Variants in CABP4 observed in about 807,000 individuals in gnomAD.
CABP4 encodes the protein calcium binding protein 4.
CABP4 carries 30 observed loss-of-function variants against 30.7 expected under a neutral mutation model. The observed-to-expected ratio is 0.98, with a 90% CI of 0.73 to 1.33. The LOEUF (loss-of-function observed/expected upper bound fraction) is 1.33. Among genes scored for constraint, CABP4 ranks in the 40% most tolerant of loss-of-function variants. The pLI, the probability that CABP4 is intolerant of heterozygous loss-of-function variation, is 0.00. For missense variants in CABP4, 424 were observed against 395.5 expected, an observed-to-expected ratio of 1.07 and a Z score of -0.61; for synonymous variants, 161 against 159.2, an observed-to-expected ratio of 1.01 and a Z score of -0.08.
rs949856463 is a variant in CABP4, at chr11:67,460,390, A to C, written c.*1731A>C. On this transcript the variant is annotated 3_prime_UTR_variant, in exon 6 of 6. Transcript: ENST00000325656. Reference sequence around the variant, plus strand: ...GGTGGGAGGATCACTTGAGCCCAGGAGGCAGAGGTTGCAGTGAGTCGAGAT... The same window carrying C: ...GGTGGGAGGATCACTTGAGCCCAGGCGGCAGAGGTTGCAGTGAGTCGAGAT... 1 of 152,186 alleles carries C rather than the reference A, an allele frequency of 6.6e-6. No individual in the cohort carries two copies. The highest frequency in any genetic ancestry group is 1.5e-5 in the Non-Finnish European group (1 of 68,058). 9.4% of individuals were successfully genotyped at this position (152,186 alleles called of 1,614,324 possible). A position where few individuals can be genotyped will look rare whatever the true frequency, so the allele number is the denominator to read the frequency against.
At position 67,458,653 on chromosome 11, in the gene CABP4, C is replaced by T. The variant is rs1180725840; in HGVS notation, c.822C>T (p.Arg274=). 2.5e-6 allele frequency: 4 copies of T among 1,614,050 alleles called. No homozygotes were observed. The highest frequency in any genetic ancestry group is 3.4e-6 in the Non-Finnish European group (4 of 1,180,014). The change falls in exon 6 of 6, where the codon CGC becomes CGT. Residue 274 remains arginine (R), a synonymous_variant. Coordinates refer to ENST00000325656, the MANE Select transcript of CABP4 (RefSeq NM_145200.5). ...DFDEFVMMLS[R]H is the part of the protein sequence containing the mutation. ...CAGAGTTTGTGATGATGCTCTCCCG[C>T]CACTGAGGCTCCAGGAGGGAATATC...
At position 67,461,153 on chromosome 11, in the gene CABP4, G is replaced by A. The variant is rs1565166007; in HGVS notation, c.*2494G>A. Among the ~76,000 whole-genome samples the A allele has an allele frequency of 6.6e-6, 1 of 152,124 alleles. No homozygotes were observed. The highest frequency in any genetic ancestry group is 1.5e-5 in the Non-Finnish European group (1 of 68,036). ...AAAAAAATAATAAAAAAATAAGCTG[G>A]GTGTAGTGGCTCATGCTTGTAGTTC... On this transcript the variant is annotated 3_prime_UTR_variant, in exon 6 of 6. Coordinates refer to ENST00000325656, the MANE Select transcript of CABP4 (RefSeq NM_145200.5).
chr11:67,458,930 C>T lies in CABP4; in HGVS notation c.*271C>T. 7.2e-6 allele frequency: 4 copies of T among 554,562 alleles called. No homozygotes were observed. The highest frequency in any genetic ancestry group is 1.3e-5 in the Non-Finnish European group (4 of 307,500). The allele number at this position is 554,562 out of a possible 1,614,324, so 34.4% of individuals were successfully genotyped here. On this transcript the variant is annotated 3_prime_UTR_variant, in exon 6 of 6. Transcript: ENST00000325656. The stretch of plus-strand genomic sequence containing the variant: ...TGAGCAAGATTTGGGTCTCTCCAGA[C>T]CTCTGGGAGGTAGGGAGTTCCCTGG...
chr11:67,460,516 T>TACACACACAC lies in CABP4; in HGVS notation c.*1875_*1884dup, dbSNP rs35146220. Among the ~76,000 whole-genome samples the TACACACACAC allele has an allele frequency of 1.1e-3, 159 of 149,490 alleles. 1 individual carries two copies. Among genetic ancestry groups the TACACACACAC allele is most frequent in the African/African-American group, 3.2e-3 (133 of 41,030 alleles). On this transcript the variant is annotated 3_prime_UTR_variant, in exon 6 of 6. Coordinates refer to ENST00000325656, the MANE Select transcript of CABP4 (RefSeq NM_145200.5). ...AAAAAAATAAAGTATATTTTATATA[T>TACACACACAC]ACACACACACACACACACACACACA...
chr11:67,460,794 AAC>A lies in CABP4; in HGVS notation c.*2139_*2140del, dbSNP rs907642129. Among the ~76,000 whole-genome samples, 4 of 150,358 alleles carry A rather than the reference AAC, an allele frequency of 2.7e-5. No homozygotes were observed. The highest frequency in any genetic ancestry group is 9.8e-5 in the African/African-American group (4 of 40,720). ...TCAGGAGATCGAGACCATCCTGGCT[AAC>A]ACAGTGAAACCCCATCTCTACTAAA... On this transcript the variant is annotated 3_prime_UTR_variant, in exon 6 of 6. Coordinates refer to ENST00000325656, the MANE Select transcript of CABP4 (RefSeq NM_145200.5).
rs1448156154 is a variant in CABP4, at chr11:67,460,134, G to A, written c.*1475G>A. ...AAGAGAGATCAACATGCAGTAACAG[G>A]ATAGTATGAAGAGAGAACCGGAAGA... On this transcript the variant is annotated 3_prime_UTR_variant, in exon 6 of 6. Coordinates refer to ENST00000325656, the MANE Select transcript of CABP4 (RefSeq NM_145200.5). 3 of 152,168 alleles carry A rather than the reference G, an allele frequency of 2.0e-5. No individual in the cohort carries two copies. Among genetic ancestry groups the A allele is most frequent in the Non-Finnish European group, 2.9e-5 (2 of 68,054 alleles). 9.4% of individuals were successfully genotyped at this position (152,168 alleles called of 1,614,324 possible). A position where few individuals can be genotyped will look rare whatever the true frequency, so the allele number is the denominator to read the frequency against.
chr11:67,456,632 C>T (rs760989812), intron 3 of CABP4, among the ~76,000 whole-genome samples, 190 bp downstream of exon 3: 2 of 152,196 alleles, frequency 1.3e-5, no homozygotes, highest in Admixed American at 6.5e-5. Context: ...CAAGGCGGCC[C>T]GGAGACCCAG....
At chr11:67,454,209 C>T (rs944213187), upstream of CABP4, among the ~76,000 whole-genome samples, 2 of 152,154 alleles carry the variant, frequency 1.3e-5, no homozygotes, top group African/African-American at 4.8e-5. Context: ...AAGAGGCCTG[C>T]AGCCCCACCT....
rs886048583 is a variant in CABP4, at chr11:67,461,242, C to T, written c.*2583C>T. Among the ~76,000 whole-genome samples, 1 of 151,482 alleles carries T rather than the reference C, an allele frequency of 6.6e-6. No homozygotes were observed. The highest frequency in any genetic ancestry group is 6.6e-5 in the Admixed American group (1 of 15,232). ...CCCAGGAGTTGGAGGCTGCAGTGAT[C>T]GTGCCACTGCACTCCAGCCTTGGTG... On this transcript the variant is annotated 3_prime_UTR_variant, in exon 6 of 6. Coordinates refer to ENST00000325656, the MANE Select transcript of CABP4 (RefSeq NM_145200.5).
At chr11:67,454,998 C>T (rs950087024), upstream of CABP4, among the ~76,000 whole-genome samples, 8 of 152,366 alleles carry the variant, frequency 5.3e-5, no homozygotes, top group African/African-American at 1.7e-4. Context: ...AGATGCCTTC[C>T]CTGGTCCTCT....
rs1487688393 is a variant in CABP4 at position 67,459,093 on chromosome 11, C to T, written c.*434C>T. On this transcript the variant is annotated 3_prime_UTR_variant, in exon 6 of 6. Transcript: ENST00000325656. The stretch of plus-strand genomic sequence containing the variant: ...GGGTGCAGTGGCTCACACCTGTAAG[C>T]CCAGCTGTCAGGGGGCAGAAGCGGG... 28 of 210,964 alleles carry T rather than the reference C, an allele frequency of 1.3e-4. No homozygotes were observed. The Admixed American group carries it at 1.4e-3, about 11-fold the overall frequency. The allele number at this position is 210,964 out of a possible 1,614,324, so 13.1% of individuals were successfully genotyped here.
intron 4 of CABP4, 106 bp from the exon 5 acceptor site, chr11:67,458,265 A>C: frequency 1.0e-6 from 1 of 967,944 alleles, no homozygotes; most frequent in Non-Finnish European, 1.3e-6. Context: ...CTCAAAAAAT[A>C]AAATAAAAAT....
intron 3 of CABP4, 85 bp downstream of exon 3, chr11:67,456,527 C>T (rs1864810023): frequency 1.3e-6 from 2 of 1,528,376 alleles, no homozygotes; most frequent in Non-Finnish European, 1.8e-6. Context: ...CTTGGGAGTC[C>T]ATCGGGGTGC....
chr11:67,458,319 T>A, intron 4 of CABP4, 52 bp from the exon 5 acceptor site: 1 of 1,508,504 alleles, frequency 6.6e-7, no homozygotes, highest in East Asian at 2.3e-5. Flanking sequence ...TGGAGCTGGC[T>A]GAGGCTGAGG....
In CABP4 at chr11:67,458,867, G is replaced by A; in HGVS notation, c.*208G>A. 6 of 647,968 alleles carry A rather than the reference G, an allele frequency of 9.3e-6. No homozygotes were observed. In the South Asian group the frequency reaches 1.0e-4, roughly 11 times the overall value. 40.1% of individuals were successfully genotyped at this position (647,968 alleles called of 1,614,324 possible). A position where few individuals can be genotyped will look rare whatever the true frequency, so the allele number is the denominator to read the frequency against. The stretch of plus-strand genomic sequence containing the variant: ...TACCTCCTCCTACTCAAGCTGCCTG[G>A]AGAAGACCTGCTCTCAGCTGCCCAC... On this transcript the variant is annotated 3_prime_UTR_variant, in exon 6 of 6. Transcript: ENST00000325656.
Position 67,459,029 on chromosome 11 carries a change from T to C in CABP4, c.*370T>C. On this transcript the variant is annotated 3_prime_UTR_variant, in exon 6 of 6. Coordinates refer to ENST00000325656, the MANE Select transcript of CABP4 (RefSeq NM_145200.5). ...GGATGGCTGGACCCCTTCCACTACTTATGTTTATAATTTTTTTTTTTTTTA... is the reference window on the plus strand; with the variant it reads ...GGATGGCTGGACCCCTTCCACTACTCATGTTTATAATTTTTTTTTTTTTTA... 1 of 322,720 alleles carries C rather than the reference T, an allele frequency of 3.1e-6. No individual in the cohort carries two copies. Among genetic ancestry groups the C allele is most frequent in the Non-Finnish European group, 5.8e-6 (1 of 172,220 alleles). The allele number at this position is 322,720 out of a possible 1,614,324, so 20.0% of individuals were successfully genotyped here.
At chr11:67,457,714 G>T (rs1391416299) in intron 4 of CABP4, 32 bp downstream of exon 4, 2 of 1,523,240 alleles carry the variant, frequency 1.3e-6, no homozygotes, top group African/African-American at 2.7e-5. Context: ...GCAGAGGGGG[G>T]CAGGGCTGGG....
At position 67,455,436 on chromosome 11, in the gene CABP4, C is replaced by G; in HGVS notation, c.13C>G (p.Gln5Glu). The G allele has an allele frequency of 1.2e-6, 2 of 1,610,072 alleles. No individual in the cohort carries two copies. The highest frequency in any genetic ancestry group is 1.7e-6 in the Non-Finnish European group (2 of 1,178,822). Residue 5 changes from glutamine to glutamate, a missense_variant, in exon 1 of 6, where the codon CAG becomes GAG. Gln to Glu is a conservative substitution (Grantham distance 29). Transcript: ENST00000325656. Reference protein sequence around the residue: MTTEQARGQQGPNLA... With the variant: MTTEEARGQQGPNLA... ...TTATCCCTCCCCCATGACCACAGAG[C>G]AGGCAAGGGGGCAGCAGGGCCCAAA...
intron 4 of CABP4, among the ~76,000 whole-genome samples, chr11:67,458,075 A>G (rs1428868226): frequency 6.6e-6 from 1 of 152,162 alleles, no homozygotes; most frequent in African/African-American, 2.4e-5. Context: ...CCTGGCCAAC[A>G]TGGCAAAACC....
Sources: gnomAD v4.1 joint callset for allele counts (sites outside exome capture counted in the v4.1 genomes callset) on GRCh38, gnomAD v4.1.1 for gene constraint, MANE v1.5 for transcripts, NCBI Gene and HGNC (gene_info 2026-07-23, HGNC 2026-07-21) for gene names.